The following SMYD3 variants were observed in gnomAD, a reference collection of about 807,000 sequenced individuals.
SMYD3 encodes the protein SET and MYND domain containing 3.
In SMYD3, 36 loss-of-function variants were observed where a neutral mutation model predicts 57.7. That is an observed-to-expected ratio of 0.62 (90% CI 0.48 to 0.82). The LOEUF (loss-of-function observed/expected upper bound fraction) is 0.82. Among genes scored for constraint, SMYD3 ranks in the 40% least tolerant of loss-of-function variants. The pLI is 0.00. For synonymous variants in SMYD3, 211 were observed against 195.0 expected, an observed-to-expected ratio of 1.08 and a Z score of -0.68; for missense variants, 515 against 538.8, an observed-to-expected ratio of 0.96 and a Z score of 0.44.
intron 1 of SMYD3, among the ~76,000 whole-genome samples, chr1:246,409,997 G>A (rs1415793097): frequency 6.6e-6 from 1 of 152,132 alleles, no homozygotes; most frequent in Admixed American, 6.5e-5. Context: ...TGGTATATAT[G>A]CTTGTGATTT....
At chr1:245,845,222 G>A (rs944497299) in intron 10 of SMYD3, among the ~76,000 whole-genome samples, 2 of 152,100 alleles carry the variant, frequency 1.3e-5, no homozygotes, top group Non-Finnish European at 2.9e-5. Flanking sequence ...ACCCCACTGC[G>A]TATTTCCCCA....
intron 10 of SMYD3, among the ~76,000 whole-genome samples, chr1:245,833,073 A>AAAAAAAAAAAAAAACAAC: frequency 3.9e-5 from 5 of 128,658 alleles, no homozygotes; most frequent in African/African-American, 1.2e-4. Context: ...AAAAAAAAAA[A>AAAAAAAAAAAAAAACAAC]AACCTGCTTT....
chr1:245,849,657 ATTTAT>A (rs541558113), intron 10 of SMYD3, among the ~76,000 whole-genome samples: 31 of 111,006 alleles, frequency 2.8e-4, no homozygotes, highest in Middle Eastern at 4.1e-3. Context: ...ATTTTATATT[ATTTAT>A]TTTATTTTGA....
intron 5 of SMYD3, among the ~76,000 whole-genome samples, chr1:246,223,887 C>A (rs565071374): frequency 6.6e-6 from 1 of 152,246 alleles, no homozygotes; most frequent in South Asian, 2.1e-4. Flanking sequence ...TTTGGATGAA[C>A]TTAATCACAT....
chr1:245,822,782 T>C (rs1408207427), intron 10 of SMYD3, among the ~76,000 whole-genome samples: 1 of 152,154 alleles, frequency 6.6e-6, no homozygotes, highest in Non-Finnish European at 1.5e-5. Context: ...TGGCTCTCCA[T>C]AGTTCCTCTT....
At chr1:245,826,789 C>T (rs60701809) in intron 10 of SMYD3, among the ~76,000 whole-genome samples, 2,708 of 152,152 alleles carry the variant, frequency 0.018, 47 homozygotes, top group East Asian at 0.079. Flanking sequence ...CCTCACAGGG[C>T]GGCAGGAAGG....
chr1:245,808,888 G>T (rs1466979070), intron 10 of SMYD3, among the ~76,000 whole-genome samples: 2 of 151,974 alleles, frequency 1.3e-5, no homozygotes, highest in South Asian at 2.1e-4. Flanking sequence ...TCAGCCTCCC[G>T]AACAGCTGAG....
At chr1:246,205,657 T>C (rs1383928254) in intron 5 of SMYD3, among the ~76,000 whole-genome samples, 2 of 151,676 alleles carry the variant, frequency 1.3e-5, no homozygotes. Flanking sequence ...CCGTCTCTAC[T>C]AAAAATACAA....
intron 10 of SMYD3, among the ~76,000 whole-genome samples, chr1:245,817,103 C>A (rs1028413475): frequency 1.5e-4 from 23 of 151,548 alleles, no homozygotes; most frequent in African/African-American, 5.6e-4. Flanking sequence ...AGGGCACAGA[C>A]AAACAAAAAC....
intron 5 of SMYD3, among the ~76,000 whole-genome samples, chr1:246,065,495 T>C (rs12562913): frequency 0.02 from 2,984 of 152,320 alleles, 139 homozygotes; most frequent in East Asian, 0.16. Context: ...CTAAAACTTA[T>C]CTGCCTTGTA....
rs1332083920 is a variant in SMYD3 at position 246,346,161 on chromosome 1, G to A, written c.228+8870C>T. 2.6e-5 allele frequency among the ~76,000 whole-genome samples: 4 copies of A among 152,144 alleles called. No individual in the cohort carries two copies. In the East Asian group the frequency reaches 5.8e-4, roughly 22 times the overall value. Reference sequence around the variant, plus strand: ...TAGCCGGGCGTGGTGGCGGGCACCTGTAGTCCCAGCTCCTCGGGAGGCTGA... The same window carrying A: ...TAGCCGGGCGTGGTGGCGGGCACCTATAGTCCCAGCTCCTCGGGAGGCTGA... On this transcript the variant is annotated intron_variant, in intron 2 of 11. Transcript: ENST00000490107.
chr1:246,348,671 C>T (rs1397890677), intron 2 of SMYD3, among the ~76,000 whole-genome samples: 1 of 152,094 alleles, frequency 6.6e-6, no homozygotes, highest in Non-Finnish European at 1.5e-5. Context: ...TTTTGGGTGA[C>T]AGGTTCAATC....
intron 5 of SMYD3, among the ~76,000 whole-genome samples, chr1:246,281,069 G>A (rs896870177): frequency 7.9e-5 from 12 of 152,248 alleles, no homozygotes; most frequent in Admixed American, 3.9e-4. Context: ...AAAGACTGCC[G>A]GGAAATAAAG....
chr1:245,972,745 A>T (rs1558547011), intron 5 of SMYD3, among the ~76,000 whole-genome samples: 1 of 152,118 alleles, frequency 6.6e-6, no homozygotes, highest in South Asian at 2.1e-4. Flanking sequence ...TCCTTTTTCC[A>T]CTTCTTGTGA....
At chr1:245,910,784 A>T (rs2147750176) in intron 8 of SMYD3, among the ~76,000 whole-genome samples, 1 of 152,260 alleles carries the variant, frequency 6.6e-6, no homozygotes, top group Admixed American at 6.5e-5. Flanking sequence ...TAAGACCTAA[A>T]ACCATGAAAC....
chr1:245,988,221 G>T (rs2058744122), intron 5 of SMYD3, among the ~76,000 whole-genome samples: 1 of 152,032 alleles, frequency 6.6e-6, no homozygotes, highest in Admixed American at 6.6e-5. Context: ...CTTCCCAAAT[G>T]GAGCTGTAGC....
At chr1:245,945,873 ACAC>A (rs962409435) in intron 5 of SMYD3, among the ~76,000 whole-genome samples, 3 of 152,188 alleles carry the variant, frequency 2.0e-5, no homozygotes, top group Non-Finnish European at 2.9e-5. Flanking sequence ...AGAAACCCAA[ACAC>A]CACATGTTCT....
At chr1:246,263,657 G>A (rs371043645) in intron 5 of SMYD3, among the ~76,000 whole-genome samples, 1 of 152,080 alleles carries the variant, frequency 6.6e-6, no homozygotes, top group South Asian at 2.1e-4. Flanking sequence ...TAACTTAATA[G>A]TAAAAATGGG....
chr1:246,121,100 C>T (rs1347243869), intron 5 of SMYD3, among the ~76,000 whole-genome samples: 1 of 152,182 alleles, frequency 6.6e-6, no homozygotes, highest in African/African-American at 2.4e-5. Flanking sequence ...TAAGACAGAA[C>T]ATCATGTTGT....
Sources: allele counts gnomAD v4.1 joint callset (sites outside exome capture counted in the v4.1 genomes callset), GRCh38; gene constraint gnomAD v4.1.1; transcripts MANE v1.5; gene names NCBI Gene and HGNC (gene_info 2026-07-23, HGNC 2026-07-21).